Variants in MDGA2 observed in about 807,000 individuals in gnomAD.
MDGA2 encodes MAM domain containing glycosylphosphatidylinositol anchor 2.
MDGA2 carries 40 observed loss-of-function variants against 117.8 expected under a neutral mutation model. The observed-to-expected ratio is 0.34, with a 90% CI of 0.26 to 0.44. The LOEUF is 0.44. Among genes scored for constraint, MDGA2 ranks in the 20% least tolerant of loss-of-function variants. The pLI, the probability that MDGA2 is intolerant of heterozygous loss-of-function variation, is 1.00. For synonymous variants in MDGA2, 452 were observed against 439.0 expected, an observed-to-expected ratio of 1.03 and a Z score of -0.37; for missense variants, 1,123 against 1,250.6, an observed-to-expected ratio of 0.90 and a Z score of 1.54.
At chr14:46,901,401 C>G (rs930889392) in intron 10 of MDGA2, among the ~76,000 whole-genome samples, 1 of 152,042 alleles carries the variant, frequency 6.6e-6, no homozygotes, top group Admixed American at 6.6e-5. Context: ...CATGAGTATT[C>G]AAGCACAAAG....
At chr14:47,668,623 T>G (rs1269403717) in intron 1 of MDGA2, among the ~76,000 whole-genome samples, 1 of 152,248 alleles carries the variant, frequency 6.6e-6, no homozygotes, top group African/African-American at 2.4e-5. Flanking sequence ...GTGTTTACAC[T>G]CAGTCACTGA....
At chr14:47,336,000 A>G (rs1890445426) in intron 1 of MDGA2, among the ~76,000 whole-genome samples, 1 of 151,574 alleles carries the variant, frequency 6.6e-6, no homozygotes. Flanking sequence ...CAGTAGAGTG[A>G]TAGTGGAGCA....
chr14:46,842,732 G>C (rs1880668312), intron 16 of MDGA2, among the ~76,000 whole-genome samples: 1 of 152,076 alleles, frequency 6.6e-6, no homozygotes, highest in African/African-American at 2.4e-5. Context: ...ACTAGCTAAA[G>C]TTGCAAAGTG....
intron 2 of MDGA2, among the ~76,000 whole-genome samples, chr14:47,265,220 A>C (rs2139684376): frequency 6.6e-6 from 1 of 152,298 alleles, no homozygotes; most frequent in African/African-American, 2.4e-5. Flanking sequence ...AAATAATTTC[A>C]AAAGCATTTG....
intron 1 of MDGA2, among the ~76,000 whole-genome samples, chr14:47,457,600 A>G (rs1031147977): frequency 3.3e-4 from 50 of 152,280 alleles, no homozygotes; most frequent in African/African-American, 9.9e-4. Flanking sequence ...CCTCAATATG[A>G]CTTGTATTCT....
chr14:46,919,969 C>G (rs1235326422), intron 10 of MDGA2, 43 bp downstream of exon 10: 1 of 1,518,840 alleles, frequency 6.6e-7, no homozygotes, highest in Non-Finnish European at 8.8e-7. Context: ...AAGGTCTTCA[C>G]AGAGGACCAC....
chr14:47,218,260 A>T (rs1316671669), intron 2 of MDGA2, 65 bp from the exon 3 acceptor site: 2 of 1,366,894 alleles, frequency 1.5e-6, no homozygotes, highest in Non-Finnish European at 2.0e-6. Context: ...TCAAATAGCA[A>T]TCACTCATTT....
rs1882591662 is a variant in MDGA2, at chr14:46,884,449, C to T, written c.2239-2228G>A. Among the ~76,000 whole-genome samples, 2 of 152,072 alleles carry T rather than the reference C, an allele frequency of 1.3e-5. No individual in the cohort carries two copies. Among genetic ancestry groups the T allele is most frequent in the African/African-American group, 4.8e-5 (2 of 41,416 alleles). On this transcript the variant is annotated intron_variant, in intron 10 of 16. Transcript: ENST00000399232. This position sits in a 1 kb window ranked among gnomAD's most constrained non-coding sequence, Gnocchi z 4.1. ...ACATACACATATCACATAATATGCACATATGTTCACATATATGCACATACT... is the reference window on the plus strand; with the variant it reads ...ACATACACATATCACATAATATGCATATATGTTCACATATATGCACATACT...
chr14:47,072,104 G>A (rs111473784), intron 6 of MDGA2, among the ~76,000 whole-genome samples: 1 of 114,878 alleles, frequency 8.7e-6, no homozygotes, highest in South Asian at 2.8e-4. Context: ...TGTTGTTTGG[G>A]GGGGGGGGGG....
chr14:47,410,429 A>T (rs1342193768), intron 1 of MDGA2, among the ~76,000 whole-genome samples: 1 of 151,918 alleles, frequency 6.6e-6, no homozygotes, highest in African/African-American at 2.4e-5. Context: ...GGTATTTGCC[A>T]GTTTTCTTTT....
chr14:47,245,833 T>C (rs934033678), intron 2 of MDGA2, among the ~76,000 whole-genome samples: 4 of 151,830 alleles, frequency 2.6e-5, no homozygotes, highest in African/African-American at 9.7e-5. Context: ...ACCATTTGCT[T>C]AAGAAAATAA....
intron 1 of MDGA2, among the ~76,000 whole-genome samples, chr14:47,507,714 G>C (rs1444397825): frequency 6.6e-6 from 1 of 152,150 alleles, no homozygotes; most frequent in Non-Finnish European, 1.5e-5. Context: ...ATTCCTCCCA[G>C]ATAATACTTC....
At chr14:46,957,869 C>T (rs1243261139) in intron 8 of MDGA2, among the ~76,000 whole-genome samples, 2 of 152,140 alleles carry the variant, frequency 1.3e-5, no homozygotes, top group Non-Finnish European at 1.5e-5. Context: ...AATGCATTTG[C>T]AGGTGAAACT....
At chr14:47,453,039 C>T (rs1893274152) in intron 1 of MDGA2, among the ~76,000 whole-genome samples, 1 of 151,780 alleles carries the variant, frequency 6.6e-6, no homozygotes, top group African/African-American at 2.4e-5. Context: ...TAACAGTCTA[C>T]CTTAAGTTAT....
At chr14:47,416,444 C>T (rs549824887) in intron 1 of MDGA2, among the ~76,000 whole-genome samples, 15 of 152,174 alleles carry the variant, frequency 9.9e-5, no homozygotes, top group Non-Finnish European at 1.9e-4. Flanking sequence ...GTAGTCCTGC[C>T]CCCACAGCCA....
chr14:46,969,567 C>A (rs1886175304), intron 8 of MDGA2, among the ~76,000 whole-genome samples: 1 of 152,106 alleles, frequency 6.6e-6, no homozygotes, highest in South Asian at 2.1e-4. Context: ...AGTGTCTGTT[C>A]ATATCCTTCA....
chr14:47,262,498 G>T (rs563636121), intron 2 of MDGA2, among the ~76,000 whole-genome samples: 1 of 152,170 alleles, frequency 6.6e-6, no homozygotes, highest in Admixed American at 6.6e-5. Flanking sequence ...AATAGTATGT[G>T]CATTGTAAAA....
intron 3 of MDGA2, among the ~76,000 whole-genome samples, chr14:47,162,174 C>T (rs1237220485): frequency 6.6e-6 from 1 of 151,756 alleles, no homozygotes; most frequent in African/African-American, 2.4e-5. Flanking sequence ...CTGGATCTCC[C>T]GACCTCGTGT....
chr14:47,132,997 G>T (rs1336943924), intron 4 of MDGA2, among the ~76,000 whole-genome samples: 3 of 151,394 alleles, frequency 2.0e-5, no homozygotes, highest in Non-Finnish European at 4.4e-5. Flanking sequence ...TTGCAAATCT[G>T]TCAAATGAAT....
Sources: allele counts gnomAD v4.1 joint callset (sites outside exome capture counted in the v4.1 genomes callset), GRCh38; gene constraint gnomAD v4.1.1; non-coding constraint Gnocchi (gnomAD v3.1); transcripts MANE v1.5; gene names NCBI Gene and HGNC (gene_info 2026-07-23, HGNC 2026-07-21).